The following ZNF362 variants were observed in gnomAD, a reference collection of about 807,000 sequenced individuals.
ZNF362 encodes rotund homolog.
In ZNF362, 11 loss-of-function variants were observed where a neutral mutation model predicts 42.9. The observed-to-expected ratio is 0.26, with a 90% CI of 0.16 to 0.42. The LOEUF (loss-of-function observed/expected upper bound fraction) is 0.42. ZNF362 is among the 20% of genes least tolerant of loss of function. The probability of loss-of-function intolerance (pLI) is 1.00; values close to 1 mark genes in which losing one functional copy is unlikely to be tolerated. For missense variants in ZNF362, 362 were observed against 576.2 expected, an observed-to-expected ratio of 0.63 and a Z score of 3.81; for synonymous variants, 255 against 257.3, an observed-to-expected ratio of 0.99 and a Z score of 0.09.
chr1:33,225,254 C>G, the ZNF362 span, among the ~76,000 whole-genome samples: 2 of 152,092 alleles, frequency 1.3e-5, no homozygotes, highest in Non-Finnish European at 1.5e-5. Flanking sequence ...CTTAGCCACC[C>G]CTTTGAAATG....
chr1:33,161,303 G>A, the ZNF362 span, among the ~76,000 whole-genome samples: 2 of 152,314 alleles, frequency 1.3e-5, no homozygotes, highest in South Asian at 2.1e-4. This position sits in a 1 kb window ranked among gnomAD's most constrained non-coding sequence, Gnocchi z 4.3. Context: ...AGAGGGAGCC[G>A]CATGAGGAAG....
chr1:33,133,061 G>T, the ZNF362 span, among the ~76,000 whole-genome samples: 1 of 152,240 alleles, frequency 6.6e-6, no homozygotes, highest in Admixed American at 6.5e-5. Context: ...CCCTGCGGAG[G>T]CCCCATCAGG....
the ZNF362 span, among the ~76,000 whole-genome samples, chr1:33,235,849 C>T: frequency 3.3e-5 from 5 of 152,318 alleles, no homozygotes; most frequent in South Asian, 2.1e-4. Context: ...GGTCAAGCAG[C>T]GGACCTTTGT....
At chr1:33,209,958 C>A in the ZNF362 span, among the ~76,000 whole-genome samples, 2 of 151,838 alleles carry the variant, frequency 1.3e-5, no homozygotes, top group African/African-American at 4.8e-5. Flanking sequence ...TTATTTGTTG[C>A]CTTCTGCTAG....
At chr1:33,232,799 A>G in the ZNF362 span, among the ~76,000 whole-genome samples, 1 of 152,114 alleles carries the variant, frequency 6.6e-6, no homozygotes, top group African/African-American at 2.4e-5. Flanking sequence ...TCCTTGCTTG[A>G]AGCCTCCTGA....
At chr1:33,284,960 C>T (rs1646021809) in intron 6 of ZNF362, among the ~76,000 whole-genome samples, 1 of 152,156 alleles carries the variant, frequency 6.6e-6, no homozygotes, top group African/African-American at 2.4e-5. Context: ...TCTTTTCTAG[C>T]TCAAAGCAGA....
the ZNF362 span, among the ~76,000 whole-genome samples, chr1:33,222,596 T>G: frequency 6.6e-6 from 1 of 152,248 alleles, no homozygotes; most frequent in East Asian, 1.9e-4. Context: ...GGACTTCTAA[T>G]AGCTAGCTGT....
At chr1:33,268,228 A>C (rs1645877949) in intron 1 of ZNF362, among the ~76,000 whole-genome samples, 2 of 152,184 alleles carry the variant, frequency 1.3e-5, no homozygotes. Context: ...TAGACACAGG[A>C]AATAGTAAAC....
At chr1:33,180,976 CA>C in the ZNF362 span, 41 of 1,101,750 alleles carry the variant, frequency 3.7e-5, no homozygotes, top group Middle Eastern at 2.4e-4. Flanking sequence ...CGCCCGGCCC[CA>C]CCTCCAGCCC....
intron 1 of ZNF362, chr1:33,261,154 TTG>T (rs1373023601): frequency 6.6e-6 from 1 of 152,132 alleles, no homozygotes; most frequent in Non-Finnish European, 1.5e-5. Context: ...CCCTCAACTG[TTG>T]AGGGGAAGCC....
the ZNF362 span, among the ~76,000 whole-genome samples, chr1:33,155,413 G>A: frequency 6.6e-6 from 1 of 151,984 alleles, no homozygotes; most frequent in Non-Finnish European, 1.5e-5. Flanking sequence ...TTTGATGTTT[G>A]TGGAACAGAA....
chr1:33,158,489 G>C, the ZNF362 span: 4 of 721,160 alleles, frequency 5.5e-6, no homozygotes, highest in Middle Eastern at 2.5e-4. Flanking sequence ...AGAAGTCTGT[G>C]GGACTCAGAT....
the ZNF362 span, among the ~76,000 whole-genome samples, chr1:33,136,765 C>T: frequency 7.3e-5 from 11 of 151,444 alleles, no homozygotes; most frequent in East Asian, 1.6e-3. Flanking sequence ...TTTGGGAGGC[C>T]GAGGCAGGTG....
At chr1:33,208,292 C>G in the ZNF362 span, among the ~76,000 whole-genome samples, 1 of 152,070 alleles carries the variant, frequency 6.6e-6, no homozygotes, top group African/African-American at 2.4e-5. Context: ...ATCTATATAT[C>G]TGTTTTGGTA....
chr1:33,174,064 AT>A, the ZNF362 span, among the ~76,000 whole-genome samples: 1 of 152,162 alleles, frequency 6.6e-6, no homozygotes, highest in Non-Finnish European at 1.5e-5. Context: ...CATCTTTACC[AT>A]TTTTAGGTGT....
the ZNF362 span, among the ~76,000 whole-genome samples, chr1:33,215,239 G>A: frequency 6.6e-6 from 1 of 152,070 alleles, no homozygotes; most frequent in East Asian, 1.9e-4. Flanking sequence ...AATAAGCCAG[G>A]CACAGAAAGA....
the ZNF362 span, among the ~76,000 whole-genome samples, chr1:33,215,960 T>C: frequency 6.6e-6 from 1 of 152,100 alleles, no homozygotes; most frequent in Non-Finnish European, 1.5e-5. Flanking sequence ...TGTTGCCAAC[T>C]AAACCTTGGG....
At chr1:33,197,111 G>A in the ZNF362 span, among the ~76,000 whole-genome samples, 2 of 152,178 alleles carry the variant, frequency 1.3e-5, no homozygotes, top group African/African-American at 4.8e-5. Flanking sequence ...TGCTCCTCCT[G>A]CTCTTGGACA....
the ZNF362 span, among the ~76,000 whole-genome samples, chr1:33,151,668 A>G: frequency 1.3e-5 from 2 of 152,172 alleles, no homozygotes; most frequent in Non-Finnish European, 2.9e-5. Context: ...GGACACCAAG[A>G]TTTATAAAAA....
Sources: allele counts gnomAD v4.1 joint callset (sites outside exome capture counted in the v4.1 genomes callset), GRCh38; gene constraint gnomAD v4.1.1; non-coding constraint Gnocchi (gnomAD v3.1); transcripts MANE v1.5; gene names NCBI Gene and HGNC (gene_info 2026-07-23, HGNC 2026-07-21).